Variants in SLC9A9 observed in about 807,000 individuals in gnomAD.
SLC9A9 encodes solute carrier family 9 member A9.
Under a neutral mutation model 77.8 loss-of-function variants are expected in SLC9A9, and 62 were observed. That is an observed-to-expected ratio of 0.80 (90% CI 0.65 to 0.98). The LOEUF (loss-of-function observed/expected upper bound fraction) is 0.98. Among genes scored for constraint, SLC9A9 ranks in the 50% least tolerant of loss-of-function variants. The probability of loss-of-function intolerance (pLI) is 0.00; values close to 1 mark genes in which losing one functional copy is unlikely to be tolerated. For missense variants in SLC9A9, 775 were observed against 774.9 expected, an observed-to-expected ratio of 1.00 and a Z score of 0.00; for synonymous variants, 320 against 283.5, an observed-to-expected ratio of 1.13 and a Z score of -1.29.
intron 4 of SLC9A9, among the ~76,000 whole-genome samples, chr3:143,763,626 T>C (rs1373084894): frequency 5.3e-5 from 8 of 152,274 alleles, no homozygotes; most frequent in Admixed American, 2.0e-4. Flanking sequence ...CCAGATTTTC[T>C]TTAATATACC....
At chr3:143,349,731 C>T (rs1043958730) in intron 14 of SLC9A9, among the ~76,000 whole-genome samples, 12 of 152,150 alleles carry the variant, frequency 7.9e-5, no homozygotes, top group African/African-American at 2.7e-4. Flanking sequence ...TGTGGTATAT[C>T]AATGTTGTAT....
At chr3:143,578,282 T>C (rs1037159235) in intron 7 of SLC9A9, among the ~76,000 whole-genome samples, 1 of 152,322 alleles carries the variant, frequency 6.6e-6, no homozygotes, top group South Asian at 2.1e-4. Flanking sequence ...ATCCTGATGG[T>C]TCCCGTTCAC....
intron 6 of SLC9A9, among the ~76,000 whole-genome samples, chr3:143,616,434 T>C (rs900374146): frequency 1.3e-5 from 2 of 152,118 alleles, no homozygotes; most frequent in Non-Finnish European, 2.9e-5. Flanking sequence ...AACAAATGAC[T>C]TGGGGACAGT....
chr3:143,310,816 C>A (rs997692330), intron 14 of SLC9A9, among the ~76,000 whole-genome samples: 3 of 152,152 alleles, frequency 2.0e-5, no homozygotes, highest in African/African-American at 7.2e-5. Context: ...CTAATAAGCA[C>A]AGGTGGTCAT....
At chr3:143,373,580 T>A (rs2033105683) in intron 13 of SLC9A9, among the ~76,000 whole-genome samples, 1 of 130,944 alleles carries the variant, frequency 7.6e-6, no homozygotes, top group Non-Finnish European at 1.6e-5. Context: ...CAAAAACCAT[T>A]GTATCCCCAA....
At chr3:143,536,031 G>T (rs1199468543) in intron 9 of SLC9A9, among the ~76,000 whole-genome samples, 1 of 152,146 alleles carries the variant, frequency 6.6e-6, no homozygotes, top group Non-Finnish European at 1.5e-5. Flanking sequence ...AAAAAGTGAA[G>T]AAATTTTACT....
At chr3:143,695,676 T>G (rs1166161598) in intron 4 of SLC9A9, among the ~76,000 whole-genome samples, 2 of 152,192 alleles carry the variant, frequency 1.3e-5, no homozygotes, top group African/African-American at 4.8e-5. Flanking sequence ...GCAGAATGAT[T>G]TACAATCCTT....
intron 11 of SLC9A9, among the ~76,000 whole-genome samples, chr3:143,482,911 C>T (rs114076556): frequency 3.4e-4 from 52 of 152,278 alleles, no homozygotes; most frequent in African/African-American, 1.2e-3. Context: ...GGGCTATGCT[C>T]AAGGGCAAGA....
chr3:143,352,227 G>A (rs773033854), intron 14 of SLC9A9, among the ~76,000 whole-genome samples: 3 of 152,256 alleles, frequency 2.0e-5, no homozygotes, highest in African/African-American at 7.2e-5. Flanking sequence ...AGTCCATAGC[G>A]AGGGATGTGG....
intron 14 of SLC9A9, among the ~76,000 whole-genome samples, chr3:143,320,935 G>T (rs1300792060): frequency 2.6e-5 from 4 of 152,172 alleles, no homozygotes. Context: ...ACATGGAGGA[G>T]AATGCCATGT....
intron 1 of SLC9A9, among the ~76,000 whole-genome samples, chr3:143,835,481 A>G (rs2009545746): frequency 6.6e-6 from 1 of 152,260 alleles, no homozygotes; most frequent in Non-Finnish European, 1.5e-5. Context: ...ACTTACCCAT[A>G]GAGCCTCATA....
intron 14 of SLC9A9, among the ~76,000 whole-genome samples, chr3:143,299,959 A>G (rs1277098325): frequency 6.6e-6 from 1 of 152,226 alleles, no homozygotes; most frequent in Non-Finnish European, 1.5e-5. Context: ...GGCAAAATGT[A>G]TGATTTGGAA....
intron 12 of SLC9A9, among the ~76,000 whole-genome samples, chr3:143,394,906 T>C (rs1237057735): frequency 1.3e-5 from 2 of 152,132 alleles, no homozygotes; most frequent in Non-Finnish European, 2.9e-5. Context: ...GTGAAGGACC[T>C]CTTCAAGGAG....
At chr3:143,496,863 T>C (rs1046392764) in intron 9 of SLC9A9, among the ~76,000 whole-genome samples, 5 of 152,212 alleles carry the variant, frequency 3.3e-5, no homozygotes, top group Non-Finnish European at 2.9e-5. Context: ...TTTCTCATAG[T>C]TCTGGAGGCT....
chr3:143,301,763 T>A (rs1578275272), intron 14 of SLC9A9, among the ~76,000 whole-genome samples: 1 of 152,068 alleles, frequency 6.6e-6, no homozygotes, highest in Non-Finnish European at 1.5e-5. Context: ...TGTCCTAGAG[T>A]GTTCCGCTTT....
intron 2 of SLC9A9, among the ~76,000 whole-genome samples, chr3:143,818,303 T>A (rs2009073667): frequency 6.6e-6 from 1 of 152,072 alleles, no homozygotes; most frequent in African/African-American, 2.4e-5. Flanking sequence ...GGACTCAGAC[T>A]TGTTATATAT....
At chr3:143,727,143 G>A (rs1291171137) in intron 4 of SLC9A9, among the ~76,000 whole-genome samples, 1 of 152,038 alleles carries the variant, frequency 6.6e-6, no homozygotes, top group African/African-American at 2.4e-5. Flanking sequence ...ACACCATCTG[G>A]CACATAGCAG....
intron 4 of SLC9A9, among the ~76,000 whole-genome samples, chr3:143,757,519 G>A (rs936679288): frequency 1.3e-5 from 2 of 152,134 alleles, no homozygotes; most frequent in Admixed American, 6.6e-5. Flanking sequence ...GGCATTTGGA[G>A]TACAACAAAT....
At chr3:143,697,613 G>A (rs1177179263) in intron 4 of SLC9A9, among the ~76,000 whole-genome samples, 3 of 151,692 alleles carry the variant, frequency 2.0e-5, no homozygotes, top group Non-Finnish European at 4.4e-5. Flanking sequence ...CCAGGCAGCT[G>A]GACACCAAAG....
Sources: allele counts gnomAD v4.1 joint callset (sites outside exome capture counted in the v4.1 genomes callset), GRCh38; gene constraint gnomAD v4.1.1; transcripts MANE v1.5; gene names NCBI Gene and HGNC (gene_info 2026-07-23, HGNC 2026-07-21).